COL11A1: variants seen among roughly 807,000 people sequenced by gnomAD.
COL11A1 encodes collagen type XI alpha 1 chain.
COL11A1 carries 74 observed loss-of-function variants against 265.2 expected under a neutral mutation model. The observed-to-expected ratio is 0.28, with a 90% CI of 0.23 to 0.34. COL11A1 has a LOEUF of 0.34. Ranked by LOEUF, COL11A1 falls within the 10% of genes least tolerant of loss-of-function variation. The probability of loss-of-function intolerance (pLI) is 1.00; values close to 1 mark genes in which losing one functional copy is unlikely to be tolerated. For missense variants in COL11A1, 2,165 were observed against 2,263.6 expected (o/e 0.96, Z 0.88); for synonymous variants, 816 against 727.6 (o/e 1.12, Z -1.96).
chr1:103,027,396 AATAT>A (rs57013059), intron 5 of COL11A1, among the ~76,000 whole-genome samples: 356 of 91,814 alleles, frequency 3.9e-3, no homozygotes, highest in African/African-American at 0.011. Context: ...TTAAAACTCT[AATAT>A]ATATATATAT....
At chr1:103,027,314 A>C (rs1371899657) in intron 5 of COL11A1, among the ~76,000 whole-genome samples, 1 of 148,358 alleles carries the variant, frequency 6.7e-6, no homozygotes, top group African/African-American at 2.5e-5. Context: ...ACATAAGTTA[A>C]ATTCAGTTTT....
intron 12 of COL11A1, 54 bp from the exon 13 acceptor site, chr1:103,014,648 A>G (rs1364005821): frequency 2.1e-6 from 3 of 1,457,870 alleles, no homozygotes; most frequent in Non-Finnish European, 1.9e-6. Flanking sequence ...AACATGTTGA[A>G]TTACGTGCTT....
intron 23 of COL11A1, 80 bp downstream of exon 23, chr1:103,002,348 T>G (rs1665187340): frequency 1.7e-6 from 2 of 1,190,962 alleles, no homozygotes; most frequent in Admixed American, 2.0e-5. Flanking sequence ...CATAGAAAAT[T>G]GTGAGACTGT....
chr1:103,073,552 G>A (rs1263788879), intron 4 of COL11A1, among the ~76,000 whole-genome samples: 3 of 151,690 alleles, frequency 2.0e-5, no homozygotes, highest in African/African-American at 4.8e-5. Flanking sequence ...AGCATGATAT[G>A]ATAGTTTAAA....
At chr1:103,074,552 T>A (rs1297687520) in intron 4 of COL11A1, 66 bp downstream of exon 4, 1 of 1,572,020 alleles carries the variant, frequency 6.4e-7, no homozygotes, top group East Asian at 2.2e-5. Flanking sequence ...AAGCGATATT[T>A]TTACTGTTGT....
Position 103,004,500 on chromosome 1 carries a change from A to C in COL11A1, c.1900-12T>G, listed in dbSNP as rs1665413147. 1 of 1,610,522 alleles carries C rather than the reference A, an allele frequency of 6.2e-7. No individual in the cohort carries two copies. The highest frequency in any genetic ancestry group is 8.5e-7 in the Non-Finnish European group (1 of 1,177,506). On this transcript the variant is annotated splice_polypyrimidine_tract_variant and intron_variant, in intron 19 of 66. Coordinates refer to ENST00000370096, the MANE Select transcript of COL11A1 (RefSeq NM_001854.4). Reference sequence around the variant, plus strand: ...TCTCCATCTTCTCCCTGTCATTGACAAAATGAATGAGAGTATAGAACATTT... The same window carrying C: ...TCTCCATCTTCTCCCTGTCATTGACCAAATGAATGAGAGTATAGAACATTT...
chr1:103,012,112 T>A (rs1036074411), intron 14 of COL11A1, among the ~76,000 whole-genome samples: 1 of 152,198 alleles, frequency 6.6e-6, no homozygotes, highest in Non-Finnish European at 1.5e-5. Flanking sequence ...TAAAACATAA[T>A]TTTGGAAGCT....
At chr1:102,996,345 AT>A (rs1664628500) in intron 26 of COL11A1, among the ~76,000 whole-genome samples, 2 of 152,122 alleles carry the variant, frequency 1.3e-5, no homozygotes. Flanking sequence ...TCAAAAATTA[AT>A]AACTAGATTT....
intron 54 of COL11A1, among the ~76,000 whole-genome samples, chr1:102,909,104 C>T (rs1654341950): frequency 6.6e-6 from 1 of 152,002 alleles, no homozygotes; most frequent in African/African-American, 2.4e-5. Flanking sequence ...GCGGTAGAGC[C>T]CAATAGGAGG....
chr1:102,939,127 A>G (rs377436438), intron 43 of COL11A1, 39 bp from the exon 44 acceptor site: 9 of 1,507,534 alleles, frequency 6.0e-6, no homozygotes, highest in African/African-American at 5.5e-5. Flanking sequence ...TATCTCTAAC[A>G]TGCTATTGCA....
intron 11 of COL11A1, among the ~76,000 whole-genome samples, chr1:103,016,646 C>T (rs1394123375): frequency 1.3e-5 from 2 of 151,794 alleles, no homozygotes; most frequent in Admixed American, 6.6e-5. Context: ...AAAAATGCAG[C>T]AGCACTTTTC....
chr1:103,045,519 A>T (rs1302045939), intron 4 of COL11A1, among the ~76,000 whole-genome samples: 1 of 152,188 alleles, frequency 6.6e-6, no homozygotes, highest in East Asian at 1.9e-4. Flanking sequence ...ATACAGTCAA[A>T]TCATAAACAG....
intron 31 of COL11A1, 39 bp from the exon 32 acceptor site, chr1:102,979,474 T>C (rs532053086): frequency 3.7e-6 from 5 of 1,361,802 alleles, no homozygotes; most frequent in Admixed American, 3.4e-5. Flanking sequence ...AACATGGCAA[T>C]TAACATTTTC....
intron 44 of COL11A1, 54 bp downstream of exon 44, chr1:102,938,981 C>T (rs1380572235): frequency 8.3e-5 from 123 of 1,487,242 alleles, no homozygotes; most frequent in Non-Finnish European, 9.0e-5. Context: ...CAATGGTAAA[C>T]AGTAAAAGTT....
chr1:102,927,650 C>CA (rs11369063), intron 46 of COL11A1, among the ~76,000 whole-genome samples: 5,907 of 146,316 alleles, frequency 0.04, 172 homozygotes, highest in African/African-American at 0.078. Context: ...CTCAAAAAAA[C>CA]AAAAAAAAAA....
At chr1:103,058,887 A>G (rs1429848988) in intron 4 of COL11A1, among the ~76,000 whole-genome samples, 4 of 152,130 alleles carry the variant, frequency 2.6e-5, no homozygotes, top group African/African-American at 9.7e-5. Flanking sequence ...TATAACTGCT[A>G]TGGTGATCTG....
intron 1 of COL11A1, among the ~76,000 whole-genome samples, chr1:103,088,299 G>A (rs761075274): frequency 1.3e-5 from 2 of 151,996 alleles, no homozygotes; most frequent in South Asian, 2.1e-4. Context: ...CTGGGCCTCC[G>A]TTTCTATATC....
At chr1:102,898,044 A>T in intron 57 of COL11A1, 81 bp downstream of exon 57, 1 of 868,010 alleles carries the variant, frequency 1.2e-6, no homozygotes, top group East Asian at 3.0e-5. Context: ...TTTATAAACT[A>T]AAATGTCAAA....
intron 41 of COL11A1, among the ~76,000 whole-genome samples, chr1:102,947,978 ATACT>A (rs1275245700): frequency 5.3e-5 from 8 of 151,856 alleles, no homozygotes; most frequent in Non-Finnish European, 7.4e-5. Flanking sequence ...AATAATTAAC[ATACT>A]TAGATAACAT....
Sources: allele counts gnomAD v4.1 joint callset (sites outside exome capture counted in the v4.1 genomes callset), GRCh38; gene constraint gnomAD v4.1.1; transcripts MANE v1.5; gene names NCBI Gene and HGNC (gene_info 2026-07-23, HGNC 2026-07-21).